NRXN3: variants seen among roughly 807,000 people sequenced by gnomAD.
NRXN3 encodes neurexin III.
NRXN3 carries 32 observed loss-of-function variants against 137.6 expected under a neutral mutation model. That is an observed-to-expected ratio of 0.23 (90% CI 0.18 to 0.31). NRXN3 has a LOEUF of 0.31. NRXN3 is among the 10% of genes least tolerant of loss of function. The pLI, the probability that NRXN3 is intolerant of heterozygous loss-of-function variation, is 1.00. For synonymous variants in NRXN3, 798 were observed against 784.5 expected (o/e 1.02, Z -0.29); for missense variants, 1,574 against 2,062.5 (o/e 0.76, Z 4.59).
chr14:78,848,207 C>T (rs1252240492), intron 10 of NRXN3, among the ~76,000 whole-genome samples: 2 of 152,100 alleles, frequency 1.3e-5, no homozygotes, highest in Non-Finnish European at 2.9e-5. Context: ...TTTCTTCTTT[C>T]CCCTGGAATT....
intron 4 of NRXN3, among the ~76,000 whole-genome samples, chr14:78,327,747 A>G (rs2080278397): frequency 6.6e-6 from 1 of 152,184 alleles, no homozygotes; most frequent in African/African-American, 2.4e-5. Context: ...GCAGGCATCA[A>G]AAGAAGAAGT....
chr14:79,656,350 ATGAACT>A (rs2153978738), intron 16 of NRXN3, among the ~76,000 whole-genome samples: 2 of 152,256 alleles, frequency 1.3e-5, no homozygotes, highest in East Asian at 3.9e-4. Context: ...ACCTATGGAA[ATGAACT>A]TGAAGTTTGC....
At chr14:79,256,249 G>A (rs1168526465) in intron 15 of NRXN3, among the ~76,000 whole-genome samples, 3 of 151,828 alleles carry the variant, frequency 2.0e-5, no homozygotes, top group Non-Finnish European at 4.4e-5. Flanking sequence ...ATGCTGTGAG[G>A]AATTACAGAT....
intron 6 of NRXN3, among the ~76,000 whole-genome samples, chr14:78,657,669 G>A (rs1189057353): frequency 6.6e-6 from 1 of 152,188 alleles, no homozygotes; most frequent in Admixed American, 6.5e-5. Context: ...CTGAACAGAT[G>A]ATTAATGGCT....
chr14:78,419,456 C>T (rs1408874092), intron 4 of NRXN3, among the ~76,000 whole-genome samples: 4 of 152,118 alleles, frequency 2.6e-5, no homozygotes, highest in Non-Finnish European at 4.4e-5. Context: ...CCAGGCTTCT[C>T]GGCCTCCCTG....
chr14:78,207,193 A>G (rs1376194575), intron 1 of NRXN3, among the ~76,000 whole-genome samples: 1 of 152,010 alleles, frequency 6.6e-6, no homozygotes, highest in African/African-American at 2.4e-5. Flanking sequence ...AAGGAATATT[A>G]CCTAGCCACA....
chr14:78,585,203 A>G (rs956208035), intron 4 of NRXN3, among the ~76,000 whole-genome samples: 1 of 152,118 alleles, frequency 6.6e-6, no homozygotes, highest in Non-Finnish European at 1.5e-5. Flanking sequence ...GTAGTATTCA[A>G]GCTCATACCT....
chr14:79,265,500 G>C (rs1264339484), intron 15 of NRXN3, among the ~76,000 whole-genome samples: 1 of 151,914 alleles, frequency 6.6e-6, no homozygotes, highest in African/African-American at 2.4e-5. Context: ...ATTGCTGGAT[G>C]TTCTTATTCT....
chr14:79,651,560 T>TA (rs1237984692), intron 16 of NRXN3, among the ~76,000 whole-genome samples: 2 of 152,198 alleles, frequency 1.3e-5, no homozygotes, highest in South Asian at 4.2e-4. Context: ...ATTGTTCCAT[T>TA]AAAAAAACAT....
In NRXN3 at chr14:79,702,534, A is replaced by AAGTT. The variant is rs559902305; in HGVS notation, c.4014+4598_4014+4601dup. Among the ~76,000 whole-genome samples, 47 of 152,054 alleles carry AAGTT rather than the reference A, an allele frequency of 3.1e-4. 1 individual carries two copies. In the South Asian group the frequency reaches 9.6e-3, roughly 31 times the overall value. ...GTTGGTCAAATGTCAGCCAGAAGCT[A>AAGTT]AGTTGTTAAAAGCAGAGATTATAAT... On this transcript the variant is annotated intron_variant, in intron 19 of 20. Transcript: ENST00000335750.
intron 4 of NRXN3, among the ~76,000 whole-genome samples, chr14:78,361,317 AG>A (rs1377043014): frequency 6.6e-6 from 1 of 152,230 alleles, no homozygotes; most frequent in African/African-American, 2.4e-5. Flanking sequence ...ATTGATGTAG[AG>A]TAAGACATAA....
chr14:79,238,120 C>T (rs1003076664), intron 15 of NRXN3, among the ~76,000 whole-genome samples: 2 of 152,028 alleles, frequency 1.3e-5, no homozygotes, highest in Non-Finnish European at 2.9e-5. Context: ...CAGATGAGTT[C>T]AGGTGCATGG....
intron 6 of NRXN3, among the ~76,000 whole-genome samples, chr14:78,690,245 T>C (rs2098160029): frequency 6.6e-6 from 1 of 152,170 alleles, no homozygotes; most frequent in African/African-American, 2.4e-5. Flanking sequence ...GTTATTGTGC[T>C]TAAGAAAATT....
intron 4 of NRXN3, among the ~76,000 whole-genome samples, chr14:78,521,502 C>T (rs532534539): frequency 6.6e-5 from 10 of 152,066 alleles, no homozygotes; most frequent in Non-Finnish European, 1.5e-4. Context: ...AGTGCTCTGC[C>T]TGAAGCCCAG....
At chr14:78,352,257 C>T (rs776273202) in intron 4 of NRXN3, among the ~76,000 whole-genome samples, 1 of 152,082 alleles carries the variant, frequency 6.6e-6, no homozygotes, top group Non-Finnish European at 1.5e-5. Context: ...CTTTGAAAGC[C>T]AATTACCCCA....
chr14:79,201,559 G>C (rs1334243017), intron 15 of NRXN3: 1 of 152,110 alleles, frequency 6.6e-6, no homozygotes, highest in African/African-American at 2.4e-5. Context: ...AGAGAATGTT[G>C]ACTCTACTTT....
At chr14:78,797,024 A>T (rs1376122092) in intron 8 of NRXN3, among the ~76,000 whole-genome samples, 6 of 152,160 alleles carry the variant, frequency 3.9e-5, no homozygotes, top group African/African-American at 1.4e-4. Flanking sequence ...ACACATATAC[A>T]ACAGACAAAG....
intron 15 of NRXN3, among the ~76,000 whole-genome samples, chr14:79,115,336 A>AG (rs1254734329): frequency 9.2e-5 from 14 of 151,518 alleles, no homozygotes; most frequent in African/African-American, 2.9e-4. Flanking sequence ...AAAAAAAAAA[A>AG]AAAAAGAAAA....
At chr14:79,581,115 C>A (rs181609525) in intron 16 of NRXN3, among the ~76,000 whole-genome samples, 1 of 151,974 alleles carries the variant, frequency 6.6e-6, no homozygotes, top group Non-Finnish European at 1.5e-5. Flanking sequence ...GCACACTGGA[C>A]GGTGCAGAAA....
Sources: allele counts gnomAD v4.1 joint callset (sites outside exome capture counted in the v4.1 genomes callset), GRCh38; gene constraint gnomAD v4.1.1; transcripts MANE v1.5; gene names NCBI Gene and HGNC (gene_info 2026-07-23, HGNC 2026-07-21).